Variants in SLC10A2 observed in about 807,000 individuals in gnomAD.
SLC10A2 encodes solute carrier family 10 member 2.
SLC10A2 carries 34 observed loss-of-function variants against 27.1 expected under a neutral mutation model. The ratio of observed to expected loss-of-function variants is 1.26; its 90% CI spans 0.96 to 1.67. The LOEUF is 1.67. SLC10A2 is among the 40% of genes most tolerant of loss of function. The pLI is 0.00. For missense variants in SLC10A2, 530 were observed against 444.4 expected, an observed-to-expected ratio of 1.19 and a Z score of -1.73; for synonymous variants, 205 against 174.0, an observed-to-expected ratio of 1.18 and a Z score of -1.40.
chr13:103,049,196 C>A, intron 5 of SLC10A2, 93 bp downstream of exon 5: 1 of 1,335,068 alleles, frequency 7.5e-7, no homozygotes, highest in South Asian at 1.2e-5. Flanking sequence ...TACAATTCAC[C>A]ACCAGGAACG....
At chr13:103,057,581 A>AT (rs1875976705) in intron 2 of SLC10A2, among the ~76,000 whole-genome samples, 1 of 152,092 alleles carries the variant, frequency 6.6e-6, no homozygotes, top group Admixed American at 6.6e-5. Flanking sequence ...CCATTATGTG[A>AT]TTTTAAAAAA....
At position 103,045,644 on chromosome 13, in the gene SLC10A2, A is replaced by C. The variant is rs538620642; in HGVS notation, c.*489T>G. On this transcript the variant is annotated 3_prime_UTR_variant, in exon 6 of 6. Coordinates refer to ENST00000245312, the MANE Select transcript of SLC10A2 (RefSeq NM_000452.3). ...TATAGGTTGCAAAGCTTTTAAAATA[A>C]TGATTAAAATGTCAGTGAAAGATGT... The C allele has an allele frequency of 6.5e-6, 1 of 153,154 alleles. No homozygotes were observed. The highest frequency in any genetic ancestry group is 1.5e-5 in the Non-Finnish European group (1 of 68,712). 9.5% of individuals were successfully genotyped at this position (153,154 alleles called of 1,614,324 possible).
chr13:103,065,793 T>C (rs906360660), intron 1 of SLC10A2, 80 bp downstream of exon 1: 27 of 1,525,042 alleles, frequency 1.8e-5, no homozygotes, highest in Non-Finnish European at 2.4e-5. Flanking sequence ...GGCAAATCAG[T>C]TGGACATTCA....
At chr13:103,053,348 A>G (rs1465744064) in intron 2 of SLC10A2, among the ~76,000 whole-genome samples, 5 of 152,192 alleles carry the variant, frequency 3.3e-5, no homozygotes, top group Admixed American at 2.6e-4. Flanking sequence ...TAAATTTTCC[A>G]TGAGATAATA....
At chr13:103,059,459 G>A (rs1214776945) in intron 1 of SLC10A2, among the ~76,000 whole-genome samples, 3 of 152,136 alleles carry the variant, frequency 2.0e-5, no homozygotes, top group Non-Finnish European at 2.9e-5. Context: ...TCAACCTGTA[G>A]CATCGTCTGG....
intron 4 of SLC10A2, 84 bp from the exon 5 acceptor site, chr13:103,049,530 T>C (rs1875712433): frequency 2.3e-6 from 3 of 1,325,960 alleles, no homozygotes; most frequent in Admixed American, 1.8e-5. Context: ...TAAGTACATA[T>C]ATATGCATTA....
intron 4 of SLC10A2, 53 bp downstream of exon 4, chr13:103,051,204 T>A: frequency 6.3e-7 from 1 of 1,577,098 alleles, no homozygotes; most frequent in African/African-American, 1.3e-5. Flanking sequence ...AGCAAAGGAA[T>A]ACAACAGATA....
chr13:103,066,307 G>T lies in SLC10A2; in HGVS notation c.-58C>A. ...CAGAAGCGCTGGTCCCTGGGCCCTG[G>T]CTCTGCTGCTGGTTGAGTTAAGCAA... On this transcript the variant is annotated 5_prime_UTR_variant, in exon 1 of 6. Coordinates refer to ENST00000245312, the MANE Select transcript of SLC10A2 (RefSeq NM_000452.3). 1 of 1,524,748 alleles carries T rather than the reference G, an allele frequency of 6.6e-7. No homozygotes were observed. The highest frequency in any genetic ancestry group is 1.3e-5 in the South Asian group (1 of 75,502). 94.5% of individuals were successfully genotyped at this position (1,524,748 alleles called of 1,614,324 possible).
chr13:103,064,152 T>A (rs2138926497), intron 1 of SLC10A2, among the ~76,000 whole-genome samples: 1 of 152,348 alleles, frequency 6.6e-6, no homozygotes, highest in African/African-American at 2.4e-5. Flanking sequence ...TGCTCCATGT[T>A]GCGTTACAGG....
At chr13:103,048,326 G>A (rs905237879) in intron 5 of SLC10A2, among the ~76,000 whole-genome samples, 4 of 151,414 alleles carry the variant, frequency 2.6e-5, no homozygotes, top group Non-Finnish European at 5.9e-5. Flanking sequence ...AGGAGGCAGA[G>A]CTTGCAGTGA....
chr13:103,061,027 T>C (rs1876102099), intron 1 of SLC10A2, among the ~76,000 whole-genome samples: 1 of 152,220 alleles, frequency 6.6e-6, no homozygotes, highest in Non-Finnish European at 1.5e-5. Context: ...TCTAATAATA[T>C]ATTTATTTTT....
chr13:103,052,139 C>A (rs455925), intron 3 of SLC10A2, among the ~76,000 whole-genome samples: 4 of 151,750 alleles, frequency 2.6e-5, no homozygotes, highest in Admixed American at 6.6e-5. Flanking sequence ...TGGCCATATG[C>A]ATACAGACAT....
Position 103,058,298 on chromosome 13 carries a change from G to A in SLC10A2, c.462C>T (p.Asp154=). Reference sequence around the variant, plus strand: ...CATAGGGAATTACGATGCTCCCAGAGTCGACCCACATTTTGGTATAGATAA... The same window carrying A: ...CATAGGGAATTACGATGCTCCCAGAATCGACCCACATTTTGGTATAGATAA... ...CLLIYTKMWV[D]SGSIVIPYDN... The change falls in exon 2 of 6, where the codon GAC becomes GAT. Residue 154 remains aspartate, a synonymous_variant. Transcript: ENST00000245312. 6.2e-7 allele frequency: 1 copy of A among 1,611,832 alleles called. No homozygotes were observed. Among genetic ancestry groups the A allele is most frequent in the Non-Finnish European group, 8.5e-7 (1 of 1,177,964 alleles).
rs559075439 is a variant in SLC10A2 at position 103,047,418 on chromosome 13, G to T, written c.920-1158C>A. 3.9e-5 allele frequency among the ~76,000 whole-genome samples: 6 copies of T among 152,080 alleles called. No individual in the cohort carries two copies. In the East Asian group the frequency reaches 7.7e-4, roughly 20 times the overall value. ...CGCCACTTATTATAAACTGTTTTGAGCTGAGAGTCCCTCAGCTTAAACTTA... is the reference window on the plus strand; with the variant it reads ...CGCCACTTATTATAAACTGTTTTGATCTGAGAGTCCCTCAGCTTAAACTTA... On this transcript the variant is annotated intron_variant, in intron 5 of 5. Transcript: ENST00000245312.
intron 1 of SLC10A2, among the ~76,000 whole-genome samples, chr13:103,065,000 T>C (rs1255096060): frequency 6.6e-6 from 1 of 152,198 alleles, no homozygotes; most frequent in Admixed American, 6.5e-5. Flanking sequence ...TACTGTACAG[T>C]ATTTAATAAG....
rs200580507 is a variant in SLC10A2 at position 103,045,350 on chromosome 13, T to A, written c.*783A>T. 1.3e-5 allele frequency: 2 copies of A among 152,260 alleles called. No individual in the cohort carries two copies. The highest frequency in any genetic ancestry group is 4.8e-5 in the African/African-American group (2 of 41,444). The allele number at this position is 152,260 out of a possible 1,614,324, so 9.4% of individuals were successfully genotyped here. On this transcript the variant is annotated 3_prime_UTR_variant, in exon 6 of 6. Transcript: ENST00000245312. ...CCTTGAGGAAGTCCCTCTCCCAGATTTGAAGAGCTCTTTGCCAAATACACA... is the reference window on the plus strand; with the variant it reads ...CCTTGAGGAAGTCCCTCTCCCAGATATGAAGAGCTCTTTGCCAAATACACA...
At chr13:103,057,637 G>A (rs1595440981) in intron 2 of SLC10A2, among the ~76,000 whole-genome samples, 1 of 152,112 alleles carries the variant, frequency 6.6e-6, no homozygotes, top group East Asian at 1.9e-4. Flanking sequence ...ATCCCACTTT[G>A]GGAGGCTGAG....
chr13:103,049,120 C>A (rs1875692728), intron 5 of SLC10A2, among the ~76,000 whole-genome samples, 169 bp downstream of exon 5: 1 of 152,124 alleles, frequency 6.6e-6, no homozygotes, highest in Non-Finnish European at 1.5e-5. Context: ...GTAAAACTAC[C>A]ATCTTTTCAT....
chr13:103,059,276 A>G (rs917778985), intron 1 of SLC10A2, among the ~76,000 whole-genome samples: 7 of 152,146 alleles, frequency 4.6e-5, no homozygotes, highest in South Asian at 4.1e-4. Flanking sequence ...GCATCCGTTC[A>G]TGTCATTTGC....
Sources: gnomAD v4.1 joint callset for allele counts (sites outside exome capture counted in the v4.1 genomes callset) on GRCh38, gnomAD v4.1.1 for gene constraint, MANE v1.5 for transcripts, NCBI Gene and HGNC (gene_info 2026-07-23, HGNC 2026-07-21) for gene names.